DCHS2: variants seen among roughly 807,000 people sequenced by gnomAD.
DCHS2 encodes the protein dachsous cadherin-related 2.
A neutral mutation model predicts 182.4 loss-of-function variants in DCHS2; 142 were observed. The observed-to-expected ratio is 0.78, with a 90% CI of 0.68 to 0.89. The LOEUF is 0.89. Among genes scored for constraint, DCHS2 ranks in the 40% least tolerant of loss-of-function variants. The pLI is 0.00. For synonymous variants in DCHS2, 1,740 were observed against 1,663.3 expected, an observed-to-expected ratio of 1.05 and a Z score of -1.12; for missense variants, 4,319 against 4,198.6, an observed-to-expected ratio of 1.03 and a Z score of -0.79.
At position 154,236,315 on chromosome 4, in the gene DCHS2, TG is replaced by T. The variant is rs1211882448; in HGVS notation, c.8336del (p.Pro2779GlnfsTer13). Reference sequence around the variant, plus strand: ...TGGTAGAGGAAATAGGCAGATTTTCTGGAACAATACAGCTGAAGCTTGAGAA... The same window carrying T: ...TGGTAGAGGAAATAGGCAGATTTTCTGAACAATACAGCTGAAGCTTGAGAA... ...FMFSSFSCIV[P>X]ENLPISSTIC... On this transcript the variant is annotated frameshift_variant, in exon 20 of 20. Transcript: ENST00000357232. LOFTEE classifies it low-confidence loss of function (END_TRUNC). The T allele has an allele frequency of 1.2e-6, 2 of 1,614,058 alleles. No individual in the cohort carries two copies. The highest frequency in any genetic ancestry group is 1.7e-5 in the Admixed American group (1 of 60,022).
intron 9 of DCHS2, among the ~76,000 whole-genome samples, chr4:154,318,954 A>G (rs1422796723): frequency 6.6e-6 from 1 of 152,174 alleles, no homozygotes; most frequent in Non-Finnish European, 1.5e-5. Context: ...TATATTACAA[A>G]GCTACCATAA....
intron 12 of DCHS2, among the ~76,000 whole-genome samples, chr4:154,300,857 AG>A (rs1417436385): frequency 1.1e-4 from 16 of 152,228 alleles, no homozygotes; most frequent in African/African-American, 3.4e-4. Flanking sequence ...TTATGGAGAA[AG>A]GATTCATGAT....
intron 1 of DCHS2, among the ~76,000 whole-genome samples, chr4:154,475,892 C>A (rs1735661893): frequency 6.6e-6 from 1 of 152,142 alleles, no homozygotes; most frequent in Admixed American, 6.5e-5. Context: ...ATACACACAG[C>A]TTATGAAACA....
Position 154,329,553 on chromosome 4 carries a change from C to T in DCHS2, c.3888G>A (p.Gln1296=), listed in dbSNP as rs1736428316. Residue 1296 remains glutamine, a synonymous_variant, in exon 6 of 20, where the codon CAG becomes CAA. Transcript: ENST00000357232. ...DINDNRPFFP[Q]CLPGKELHVK... ...CGTGTAACTCCTTTCCAGGGAGACA[C>T]TGGGGGAAGAAGGGCCTGTTATCAT... The T allele has an allele frequency of 6.2e-7, 1 of 1,613,698 alleles. No individual in the cohort carries two copies. The highest frequency in any genetic ancestry group is 1.1e-5 in the South Asian group (1 of 91,044).
chr4:154,329,620 C>T lies in DCHS2; in HGVS notation c.3821G>A (p.Arg1274Gln), dbSNP rs770210378. Residue 1274 changes from arginine to glutamine, a missense_variant, in exon 6 of 20, where the codon CGA becomes CAA. Physicochemically the swap from Arg to Gln is conservative, Grantham distance 43. Coordinates refer to ENST00000357232, the MANE Select transcript of DCHS2 (RefSeq NM_001358235.2). ...VLVTDRGSPP[R>Q]NATMAVYVSV... is the part of the protein sequence containing the mutation. ...GACGTAAACCGCCATGGTGGCGTTT[C>T]GTGGTGGGGAGCCGCGGTCTGTCAC... 37 of 1,612,974 alleles carry T rather than the reference C, an allele frequency of 2.3e-5. No individual in the cohort carries two copies. Among genetic ancestry groups the T allele is most frequent in the Non-Finnish European group, 2.9e-5 (34 of 1,179,868 alleles).
At chr4:154,365,805 C>T (rs987138818) in intron 3 of DCHS2, among the ~76,000 whole-genome samples, 1 of 151,736 alleles carries the variant, frequency 6.6e-6, no homozygotes, top group African/African-American at 2.4e-5. Flanking sequence ...CCCACCACCA[C>T]GTCCGGCTAA....
intron 1 of DCHS2, among the ~76,000 whole-genome samples, chr4:154,421,273 A>G (rs1187776674): frequency 6.6e-6 from 1 of 152,196 alleles, no homozygotes; most frequent in Non-Finnish European, 1.5e-5. Flanking sequence ...GGAAATATTT[A>G]TAATATAAAA....
intron 1 of DCHS2, among the ~76,000 whole-genome samples, chr4:154,415,529 T>C (rs1324422236): frequency 6.6e-6 from 1 of 152,198 alleles, no homozygotes; most frequent in Non-Finnish European, 1.5e-5. Context: ...TTCCTCCTTT[T>C]TGGAGAAGCA....
chr4:154,417,251 G>GA (rs1262645881), intron 1 of DCHS2, among the ~76,000 whole-genome samples: 2 of 144,526 alleles, frequency 1.4e-5, no homozygotes, highest in Non-Finnish European at 3.0e-5. Flanking sequence ...GAGAGAGAGA[G>GA]ACCAGTCAGG....
chr4:154,366,211 T>G lies in DCHS2; in HGVS notation c.2475A>C (p.Thr825=). 1 of 1,609,352 alleles carries G rather than the reference T, an allele frequency of 6.2e-7. No individual in the cohort carries two copies. The highest frequency in any genetic ancestry group is 8.5e-7 in the Non-Finnish European group (1 of 1,176,094). Residue 825 remains threonine (T), a splice_region_variant and synonymous_variant, in exon 3 of 20, where the codon ACA becomes ACC. Transcript: ENST00000357232. The part of the protein sequence containing the change: ...VSSLFTIDST[T]GIIYLTLPLS... ...GAAAACTGTTCCAAGATCACATACC[T>G]GTGGTGGAGTCAATGGTAAAAAGGG...
At chr4:154,422,875 G>T in intron 1 of DCHS2, among the ~76,000 whole-genome samples, 1 of 152,152 alleles carries the variant, frequency 6.6e-6, no homozygotes, top group South Asian at 2.1e-4. Flanking sequence ...ATTCACCAAA[G>T]CTTAGCTGAA....
chr4:154,284,088 TAAAG>T (rs1292623267), intron 13 of DCHS2, among the ~76,000 whole-genome samples: 2 of 152,174 alleles, frequency 1.3e-5, no homozygotes, highest in African/African-American at 4.8e-5. Flanking sequence ...ACACTTCACT[TAAAG>T]AAATGCCTTT....
chr4:154,412,084 T>A (rs979473158), intron 1 of DCHS2, among the ~76,000 whole-genome samples: 1 of 152,146 alleles, frequency 6.6e-6, no homozygotes, highest in Non-Finnish European at 1.5e-5. Flanking sequence ...TTCTCAAATA[T>A]GAAATAAATT....
chr4:154,333,455 T>A lies in DCHS2; in HGVS notation c.2753A>T (p.Asp918Val), dbSNP rs1233356161. ...GTGAATGGAGAACTTTCCGCCGAGA[T>A]CACCAGAAGAAATCCTGTAAAAGAT... ...EPIFYRISSG[D>V]LGGKFSIHPR... Residue 918 changes from aspartate to valine, a missense_variant, in exon 5 of 20, where the codon GAT (aspartate) becomes GTT (valine). Physicochemically the swap from Asp to Val is radical, Grantham distance 152. Coordinates refer to ENST00000357232, the MANE Select transcript of DCHS2 (RefSeq NM_001358235.2). 2 of 1,613,472 alleles carry A rather than the reference T, an allele frequency of 1.2e-6. No individual in the cohort carries two copies. Among genetic ancestry groups the A allele is most frequent in the African/African-American group, 2.7e-5 (2 of 74,814 alleles).
In DCHS2 at chr4:154,469,607, A is replaced by G. The variant is rs138980604; in HGVS notation, c.2052+19697T>C. ...TTGGAACAAATCCAAATCTCTCATCACAGTCTGTGACACCCTACATGACCT... is the reference window on the plus strand; with the variant it reads ...TTGGAACAAATCCAAATCTCTCATCGCAGTCTGTGACACCCTACATGACCT... On this transcript the variant is annotated intron_variant, in intron 1 of 19. Coordinates refer to ENST00000357232, the MANE Select transcript of DCHS2 (RefSeq NM_001358235.2). 1.8e-4 allele frequency among the ~76,000 whole-genome samples: 27 copies of G among 152,254 alleles called. 1 individual carries two copies. In the East Asian group the frequency reaches 5.2e-3, roughly 29 times the overall value.
intron 1 of DCHS2, among the ~76,000 whole-genome samples, chr4:154,476,302 T>C (rs1435355948): frequency 6.6e-6 from 1 of 152,228 alleles, no homozygotes. Context: ...TCTGGTAATA[T>C]TTCTGCTAAT....
chr4:154,319,738 G>C (rs994761863), intron 9 of DCHS2, among the ~76,000 whole-genome samples: 1 of 150,860 alleles, frequency 6.6e-6, no homozygotes, highest in Non-Finnish European at 1.5e-5. Flanking sequence ...CTGTTGGTGG[G>C]AATTCAAAAT....
At chr4:154,360,773 T>C (rs1730082803) in intron 3 of DCHS2, among the ~76,000 whole-genome samples, 1 of 152,162 alleles carries the variant, frequency 6.6e-6, no homozygotes, top group South Asian at 2.1e-4. Flanking sequence ...AAACAAAAGA[T>C]TACAACTAAA....
In DCHS2 at chr4:154,235,284, A is replaced by G. The variant is rs1185081106; in HGVS notation, c.9368T>C (p.Leu3123Pro). The change falls in exon 20 of 20, where the codon CTG becomes CCG. Residue 3123 changes from leucine (L) to proline (P), a missense_variant. Transcript: ENST00000357232. ...HPYRKCSDSALSDHESRVPDS... is the reference protein window; with the variant it reads ...HPYRKCSDSAPSDHESRVPDS... The stretch of plus-strand genomic sequence containing the variant: ...TGGCACCCTGGACTCGTGGTCACTC[A>G]GAGCTGAGTCTGAGCACTTTCTGTA... The G allele has an allele frequency of 5.6e-6, 9 of 1,614,100 alleles. No homozygotes were observed. Among genetic ancestry groups the G allele is most frequent in the Non-Finnish European group, 7.6e-6 (9 of 1,179,972 alleles).
Sources: gnomAD v4.1 joint callset for allele counts (sites outside exome capture counted in the v4.1 genomes callset) on GRCh38, gnomAD v4.1.1 for gene constraint, MANE v1.5 for transcripts, NCBI Gene and HGNC (gene_info 2026-07-23, HGNC 2026-07-21) for gene names.